Variants in PPM1L observed in about 807,000 individuals in gnomAD.
The protein encoded by PPM1L is protein phosphatase 1L.
In PPM1L, 13 loss-of-function variants were observed where a neutral mutation model predicts 31.4. The ratio of observed to expected loss-of-function variants is 0.41; its 90% confidence interval spans 0.27 to 0.66. The LOEUF (loss-of-function observed/expected upper bound fraction) is 0.66. Among genes scored for constraint, PPM1L ranks in the 30% least tolerant of loss-of-function variants. The pLI, the probability that PPM1L is intolerant of heterozygous loss-of-function variation, is 0.29. For missense variants in PPM1L, 326 were observed against 453.7 expected (o/e 0.72, Z 2.56); for synonymous variants, 184 against 175.4 (o/e 1.05, Z -0.39).
intron 1 of PPM1L, among the ~76,000 whole-genome samples, chr3:160,881,780 G>A (rs1443029026): frequency 2.0e-5 from 3 of 152,148 alleles, no homozygotes; most frequent in African/African-American, 2.4e-5. Context: ...GGCCGGGCGC[G>A]GTGGCTCACG....
At chr3:160,954,360 A>G (rs1715668100) in intron 1 of PPM1L, among the ~76,000 whole-genome samples, 1 of 151,816 alleles carries the variant, frequency 6.6e-6, no homozygotes, top group African/African-American at 2.4e-5. Flanking sequence ...TATACAAACT[A>G]CTTTGTAATC....
intron 1 of PPM1L, among the ~76,000 whole-genome samples, chr3:160,826,062 G>A (rs1363741691): frequency 2.0e-5 from 3 of 152,090 alleles, no homozygotes; most frequent in African/African-American, 7.2e-5. Flanking sequence ...CTGCCTGCCA[G>A]ACCCTGTGCT....
At chr3:160,832,306 G>A (rs115562895) in intron 1 of PPM1L, among the ~76,000 whole-genome samples, 198 of 152,248 alleles carry the variant, frequency 1.3e-3, no homozygotes, top group Middle Eastern at 6.8e-3. Flanking sequence ...ATGTCATTTA[G>A]CTGGGCCTTG....
intron 1 of PPM1L, among the ~76,000 whole-genome samples, chr3:160,948,705 T>G (rs1189993139): frequency 6.6e-6 from 1 of 152,128 alleles, no homozygotes; most frequent in Non-Finnish European, 1.5e-5. Context: ...CTAGCAATTT[T>G]GTATGATTTA....
At chr3:160,839,580 T>G (rs1183232198) in intron 1 of PPM1L, among the ~76,000 whole-genome samples, 2 of 152,214 alleles carry the variant, frequency 1.3e-5, no homozygotes, top group Non-Finnish European at 1.5e-5. Flanking sequence ...GCTAACCTTC[T>G]GAATATGATT....
chr3:160,955,562 A>C lies in PPM1L; in HGVS notation c.400-6174A>C, dbSNP rs532035269. Among the ~76,000 whole-genome samples, 7 of 151,852 alleles carry C rather than the reference A, an allele frequency of 4.6e-5. No individual in the cohort carries two copies. The South Asian group carries it at 1.5e-3, about 32-fold the overall frequency. ...GCATATTAAAATTGCAGTTTCCTTT[A>C]TGGTAAAGGCTTGTTTTCCCAACAG... is the stretch of plus-strand genomic sequence containing the variant. On this transcript the variant is annotated intron_variant, in intron 1 of 3. Transcript: ENST00000498165.
chr3:161,031,123 A>C (rs1439793805), intron 2 of PPM1L, among the ~76,000 whole-genome samples: 1 of 152,222 alleles, frequency 6.6e-6, no homozygotes, highest in Non-Finnish European at 1.5e-5. Flanking sequence ...CAGACAGGTC[A>C]GAAGATTGTA....
In PPM1L at chr3:161,065,494, G is replaced by A; in HGVS notation, c.666G>A (p.Gly222=). Residue 222 remains glycine (G), a synonymous_variant, in exon 3 of 4, where the codon GGG becomes GGA. Coordinates refer to ENST00000498165, the MANE Select transcript of PPM1L (RefSeq NM_139245.4). ...GCGGGGTCCTGTGTGACAAAGATGG[G>A]AACGCTATTCCTTTGTCTCATGATC... ...DSRGVLCDKD[G]NAIPLSHDHK... 16 of 1,614,068 alleles carry A rather than the reference G, an allele frequency of 9.9e-6. No individual in the cohort carries two copies. The highest frequency in any genetic ancestry group is 1.4e-5 in the Non-Finnish European group (16 of 1,179,944).
chr3:161,031,231 C>A (rs964533), intron 2 of PPM1L, among the ~76,000 whole-genome samples: 47,797 of 152,048 alleles, frequency 0.31, 7,954 homozygotes, highest in East Asian at 0.63. Flanking sequence ...CATGAAGATA[C>A]CACAGGCGCA....
chr3:160,861,608 A>G (rs114548686), intron 1 of PPM1L, among the ~76,000 whole-genome samples: 1,916 of 152,182 alleles, frequency 0.013, 38 homozygotes, highest in African/African-American at 0.044. Flanking sequence ...ACAACCACCT[A>G]ATAGGGTTGT....
At chr3:161,029,084 A>G (rs1483586885) in intron 2 of PPM1L, among the ~76,000 whole-genome samples, 1 of 152,202 alleles carries the variant, frequency 6.6e-6, no homozygotes, top group African/African-American at 2.4e-5. Flanking sequence ...CAAACAAACA[A>G]ACAAACGAAA....
chr3:160,931,619 G>C (rs1312077815), intron 1 of PPM1L, among the ~76,000 whole-genome samples: 1 of 152,160 alleles, frequency 6.6e-6, no homozygotes, highest in East Asian at 1.9e-4. Flanking sequence ...TGGTATGTGT[G>C]GGGAAGGCAT....
chr3:160,941,878 T>TA (rs1715173904), intron 1 of PPM1L, among the ~76,000 whole-genome samples: 1 of 152,216 alleles, frequency 6.6e-6, no homozygotes, highest in Non-Finnish European at 1.5e-5. Context: ...TGGAGTACGA[T>TA]AAACATTTGA....
chr3:160,952,091 C>G (rs1344155364), intron 1 of PPM1L, among the ~76,000 whole-genome samples: 4 of 152,124 alleles, frequency 2.6e-5, no homozygotes, highest in African/African-American at 7.2e-5. Flanking sequence ...TTTGAATAAC[C>G]TCTCCAGGTT....
At chr3:161,042,672 T>C (rs538374487) in intron 2 of PPM1L, among the ~76,000 whole-genome samples, 7 of 152,224 alleles carry the variant, frequency 4.6e-5, no homozygotes, top group Non-Finnish European at 1.0e-4. Context: ...TTTTCCCTGG[T>C]GGAGCCCTAA....
At chr3:160,798,185 AAAAC>A (rs961335368) in intron 1 of PPM1L, among the ~76,000 whole-genome samples, 9 of 147,302 alleles carry the variant, frequency 6.1e-5, no homozygotes, top group East Asian at 5.8e-4. Context: ...TAAAAAAACA[AAAAC>A]AAACAAACAA....
chr3:160,797,938 G>A (rs926190182), intron 1 of PPM1L, among the ~76,000 whole-genome samples: 1 of 152,200 alleles, frequency 6.6e-6, no homozygotes, highest in South Asian at 2.1e-4. Flanking sequence ...CCAGCACTTT[G>A]GGAGGCCAAG....
At chr3:160,848,893 T>C (rs114407676) in intron 1 of PPM1L, among the ~76,000 whole-genome samples, 4,102 of 152,306 alleles carry the variant, frequency 0.027, 196 homozygotes, top group African/African-American at 0.092. Context: ...CTAGGATCCT[T>C]CTTCTTTACT....
At chr3:161,041,850 A>G (rs774694248) in intron 2 of PPM1L, among the ~76,000 whole-genome samples, 2 of 152,218 alleles carry the variant, frequency 1.3e-5, no homozygotes, top group Non-Finnish European at 2.9e-5. Flanking sequence ...AAGCTTTGAC[A>G]TTTCTTAATG....
Sources: gnomAD v4.1 joint callset for allele counts (sites outside exome capture counted in the v4.1 genomes callset) on GRCh38, gnomAD v4.1.1 for gene constraint, MANE v1.5 for transcripts, NCBI Gene and HGNC (gene_info 2026-07-23, HGNC 2026-07-21) for gene names.